Variants in DYRK1A observed in about 807,000 individuals in gnomAD.
The protein encoded by DYRK1A is dual specificity tyrosine phosphorylation regulated kinase 1A.
In DYRK1A, 9 loss-of-function variants were observed where a neutral mutation model predicts 79.7. The ratio of observed to expected loss-of-function variants is 0.11; its 90% CI spans 0.07 to 0.20. The LOEUF is 0.20. Among genes scored for constraint, DYRK1A ranks in the 10% least tolerant of loss-of-function variants. The pLI is 1.00. For synonymous variants in DYRK1A, 349 were observed against 329.7 expected, an observed-to-expected ratio of 1.06 and a Z score of -0.63; for missense variants, 622 against 956.0, an observed-to-expected ratio of 0.65 and a Z score of 4.61.
chr21:37,416,337 T>TTA (rs964749412), intron 1 of DYRK1A, among the ~76,000 whole-genome samples: 2 of 148,458 alleles, frequency 1.3e-5, no homozygotes, highest in African/African-American at 5.0e-5. Context: ...TTTTTTTTTT[T>TTA]AAAGACTGTG....
At chr21:37,409,028 G>T (rs13047462) in intron 1 of DYRK1A, among the ~76,000 whole-genome samples, 1 of 152,124 alleles carries the variant, frequency 6.6e-6, no homozygotes. Flanking sequence ...GGGAAGCTCT[G>T]GGGGAGACAG....
At position 37,406,741 on chromosome 21, in the gene DYRK1A, A is replaced by ATATCTC. The variant is rs1555956318; in HGVS notation, c.-76-13555_-76-13554insCTCTAT. On this transcript the variant is annotated intron_variant, in intron 1 of 11. Coordinates refer to ENST00000647188, the MANE Select transcript of DYRK1A (RefSeq NM_001347721.2). ...AAAAATTATATCTATGTATATCTCT[A>ATATCTC]TATATCTCTATATATCTATATATGT... Among the ~76,000 whole-genome samples the ATATCTC allele has an allele frequency of 2.0e-5, 3 of 147,464 alleles. No homozygotes were observed. The East Asian group carries it at 5.9e-4, about 29-fold the overall frequency.
chr21:37,451,015 G>A (rs74465478), intron 2 of DYRK1A, among the ~76,000 whole-genome samples: 5,699 of 152,254 alleles, frequency 0.037, 358 homozygotes, highest in African/African-American at 0.13. Flanking sequence ...ACCCAAGGAG[G>A]TCTTGGCTTA....
rs1208903085 is a variant in DYRK1A, at chr21:37,521,564, CAAGTAAG to C, written c.*9034_*9040del. ...TATAAGTGGGAAAGATAAGTAATTA[CAAGTAAG>C]CCCAGTGTTTTTAAAAGAGTGTGAA... On this transcript the variant is annotated 3_prime_UTR_variant, in exon 12 of 12. Coordinates refer to ENST00000647188, the MANE Select transcript of DYRK1A (RefSeq NM_001347721.2). 1 of 152,224 alleles carries C rather than the reference CAAGTAAG, an allele frequency of 6.6e-6. No individual in the cohort carries two copies. The highest frequency in any genetic ancestry group is 1.5e-5 in the Non-Finnish European group (1 of 68,064). 9.4% of individuals were successfully genotyped at this position (152,224 alleles called of 1,614,324 possible).
At chr21:37,463,087 T>C (rs2051897999) in intron 2 of DYRK1A, among the ~76,000 whole-genome samples, 1 of 152,124 alleles carries the variant, frequency 6.6e-6, no homozygotes, top group Non-Finnish European at 1.5e-5. Context: ...TGAGATTTTA[T>C]TTACGTCTTA....
At position 37,515,903 on chromosome 21, in the gene DYRK1A, G is replaced by T. The variant is rs1196281369; in HGVS notation, c.*3372G>T. On this transcript the variant is annotated 3_prime_UTR_variant, in exon 12 of 12. Coordinates refer to ENST00000647188, the MANE Select transcript of DYRK1A (RefSeq NM_001347721.2). ...ATGAAAGATTCAGTAATTATGTTAG[G>T]CTCACAAGTGACCATTGAGTTTGCC... 1.3e-5 allele frequency: 2 copies of T among 151,900 alleles called. No homozygotes were observed. Among genetic ancestry groups the T allele is most frequent in the Non-Finnish European group, 1.5e-5 (1 of 68,012 alleles). The allele number at this position is 151,900 out of a possible 1,614,324, so 9.4% of individuals were successfully genotyped here.
At chr21:37,466,125 C>A (rs996814973) in intron 2 of DYRK1A, among the ~76,000 whole-genome samples, 1 of 152,186 alleles carries the variant, frequency 6.6e-6, no homozygotes, top group African/African-American at 2.4e-5. Flanking sequence ...CTTTGTAATT[C>A]TTTCATAGCT....
At chr21:37,377,572 G>A (rs1339792969) in intron 1 of DYRK1A, among the ~76,000 whole-genome samples, 4 of 152,116 alleles carry the variant, frequency 2.6e-5, no homozygotes, top group East Asian at 1.9e-4. Flanking sequence ...GGGTTCAAGC[G>A]ATCCTCTCAC....
chr21:37,505,432 C>T lies in DYRK1A; in HGVS notation c.1362C>T (p.Asp454=). ...TCATTTTAAGGATGCTTGATTATGA[C>T]CCCAAAACTCGAATTCAACCTTATT... ...KDLILRMLDY[D]PKTRIQPYYA... Residue 454 remains aspartate, a synonymous_variant, in exon 10 of 12, where the codon GAC becomes GAT. Coordinates refer to ENST00000647188, the MANE Select transcript of DYRK1A (RefSeq NM_001347721.2). The T allele has an allele frequency of 6.2e-7, 1 of 1,614,138 alleles. No homozygotes were observed. The highest frequency in any genetic ancestry group is 8.5e-7 in the Non-Finnish European group (1 of 1,180,040).
chr21:37,496,180 A>C lies in DYRK1A; in HGVS notation c.1134A>C (p.Gln378His). The C allele has an allele frequency of 6.2e-7, 1 of 1,614,144 alleles. No individual in the cohort carries two copies. The highest frequency in any genetic ancestry group is 1.3e-5 in the African/African-American group (1 of 75,082). The change falls in exon 9 of 12, where the codon CAA (glutamine) becomes CAC (histidine). Residue 378 changes from glutamine to histidine, a missense_variant. By Grantham distance (24) the Gln-to-His change is conservative. Coordinates refer to ENST00000647188, the MANE Select transcript of DYRK1A (RefSeq NM_001347721.2). The part of the protein sequence containing the change: ...LGIPPAHILD[Q>H]APKARKFFEK... Reference sequence around the variant, plus strand: ...TTCCACCTGCTCATATTCTTGACCAAGCACCAAAAGCAAGAAAGTTCTTTG... The same window carrying C: ...TTCCACCTGCTCATATTCTTGACCACGCACCAAAAGCAAGAAAGTTCTTTG...
chr21:37,491,667 G>A (rs1323884820), intron 7 of DYRK1A, among the ~76,000 whole-genome samples: 2 of 152,154 alleles, frequency 1.3e-5, no homozygotes, highest in Admixed American at 6.6e-5. Context: ...AGTTTTAGAT[G>A]CCTTCAAAAA....
chr21:37,446,611 T>C (rs910649323), intron 2 of DYRK1A, among the ~76,000 whole-genome samples: 4 of 152,004 alleles, frequency 2.6e-5, no homozygotes, highest in East Asian at 1.9e-4. Flanking sequence ...GAGTGGTGTT[T>C]CAGAGTTTAC....
chr21:37,457,273 C>G (rs1414432980), intron 2 of DYRK1A, among the ~76,000 whole-genome samples: 1 of 152,120 alleles, frequency 6.6e-6, no homozygotes. Flanking sequence ...CACTCTGTTG[C>G]CCAGACTGGA....
intron 11 of DYRK1A, among the ~76,000 whole-genome samples, chr21:37,508,720 A>G (rs892403828): frequency 6.6e-6 from 1 of 151,980 alleles, no homozygotes; most frequent in Admixed American, 6.6e-5. Context: ...CACTCACCCT[A>G]GTCACACTAA....
At chr21:37,481,596 G>C (rs1444392270) in intron 5 of DYRK1A, 11 of 152,164 alleles carry the variant, frequency 7.2e-5, no homozygotes, top group Admixed American at 7.2e-4. Context: ...GGGTTTCACC[G>C]TGTTGGCCAG....
At chr21:37,407,480 A>T (rs1428844516) in intron 1 of DYRK1A, among the ~76,000 whole-genome samples, 4 of 152,210 alleles carry the variant, frequency 2.6e-5, no homozygotes, top group Non-Finnish European at 4.4e-5. Flanking sequence ...ATGCTTAATT[A>T]AAATGGCAGT....
In DYRK1A at chr21:37,496,249, T is replaced by A; in HGVS notation, c.1203T>A (p.Asp401Glu). The A allele has an allele frequency of 6.2e-7, 1 of 1,612,220 alleles. No homozygotes were observed. The highest frequency in any genetic ancestry group is 8.5e-7 in the Non-Finnish European group (1 of 1,179,488). The change falls in exon 9 of 12, where the codon GAT becomes GAA. Residue 401 changes from aspartate (D) to glutamate (E), a missense_variant. Physicochemically the swap from Asp to Glu is conservative, Grantham distance 45 (BLOSUM62 2). This residue lies in a region of DYRK1A where 80 missense variants were observed against 116.5 expected (regional missense o/e 0.69). Coordinates refer to ENST00000647188, the MANE Select transcript of DYRK1A (RefSeq NM_001347721.2). Reference sequence around the variant, plus strand: ...CTTGGAACTTAAAGAAGACCAAAGATGGAAAACGGGTAAAATAAGGATATA... The same window carrying A: ...CTTGGAACTTAAAGAAGACCAAAGAAGGAAAACGGGTAAAATAAGGATATA... Reference protein sequence around the residue: ...DGTWNLKKTKDGKREYKPPGT... With the variant: ...DGTWNLKKTKEGKREYKPPGT...
intron 1 of DYRK1A, among the ~76,000 whole-genome samples, chr21:37,383,837 A>ATGTGTG (rs112549944): frequency 0.029 from 4,342 of 148,378 alleles, 124 homozygotes; most frequent in African/African-American, 0.08. Context: ...GTAATGGTGT[A>ATGTGTG]TGTGTGTGTG....
chr21:37,369,907 T>C (rs2049397080), intron 1 of DYRK1A, among the ~76,000 whole-genome samples: 1 of 152,134 alleles, frequency 6.6e-6, no homozygotes, highest in South Asian at 2.1e-4. Flanking sequence ...ATAAGTCCAG[T>C]TTTTTAGAGG....
Sources: allele counts gnomAD v4.1 joint callset (sites outside exome capture counted in the v4.1 genomes callset), GRCh38; gene constraint gnomAD v4.1.1; regional missense constraint gnomAD v4.1.1; transcripts MANE v1.5; gene names NCBI Gene and HGNC (gene_info 2026-07-23, HGNC 2026-07-21).